EGFLAM: variants seen among roughly 807,000 people sequenced by gnomAD.
EGFLAM encodes the protein pikachurin.
In EGFLAM, 79 loss-of-function variants were observed where a neutral mutation model predicts 113.1. That is an observed-to-expected ratio of 0.70 (90% CI 0.58 to 0.84). The LOEUF is 0.84. Among genes scored for constraint, EGFLAM ranks in the 40% least tolerant of loss-of-function variants. The probability of loss-of-function intolerance (pLI) is 0.00; values close to 1 mark genes in which losing one functional copy is unlikely to be tolerated. For synonymous variants in EGFLAM, 504 were observed against 487.6 expected (o/e 1.03, Z -0.44); for missense variants, 1,265 against 1,291.6 (o/e 0.98, Z 0.32).
rs1192484997 is a variant in EGFLAM, at chr5:38,408,577, TCTC to T, written c.1249-424_1249-422del. On this transcript the variant is annotated intron_variant, in intron 9 of 21. Transcript: ENST00000322350. ...GGCTGAGCTATTCTTACCATCCTGT[TCTC>T]CTGATAGAAGGAAAGAAGCAAATGT... Among the ~76,000 whole-genome samples, 9 of 152,090 alleles carry T rather than the reference TCTC, an allele frequency of 5.9e-5. No homozygotes were observed. In the East Asian group the frequency reaches 1.5e-3, roughly 26 times the overall value.
intron 15 of EGFLAM, among the ~76,000 whole-genome samples, chr5:38,432,942 G>A (rs571896704): frequency 2.6e-4 from 39 of 152,286 alleles, no homozygotes; most frequent in African/African-American, 8.9e-4. Flanking sequence ...GCGACATGTG[G>A]GTGAATGGAG....
chr5:38,407,109 G>A lies in EGFLAM; in HGVS notation c.1110G>A (p.Gln370=), dbSNP rs770786447. The change falls in exon 8 of 22, where the codon CAG becomes CAA. Residue 370 remains glutamine, a synonymous_variant. Coordinates refer to ENST00000322350, the MANE Select transcript of EGFLAM (RefSeq NM_152403.4). ...ACACCTGGGGGGGCTCGCGATGCCA[G>A]TGCACCCTGGGCAAAGGTGGTGAGA... ...NDYTWGGSRC[Q]CTLGKGGESC... 4 of 1,614,078 alleles carry A rather than the reference G, an allele frequency of 2.5e-6. No individual in the cohort carries two copies. Among genetic ancestry groups the A allele is most frequent in the Non-Finnish European group, 8.5e-7 (1 of 1,180,040 alleles).
At chr5:38,313,563 G>A (rs935232293) in intron 1 of EGFLAM, among the ~76,000 whole-genome samples, 5 of 152,140 alleles carry the variant, frequency 3.3e-5, no homozygotes, top group Non-Finnish European at 7.3e-5. Context: ...ATATTTTAAA[G>A]AGTCATCATA....
intron 1 of EGFLAM, among the ~76,000 whole-genome samples, chr5:38,293,936 G>A (rs1758395780): frequency 1.3e-5 from 2 of 152,140 alleles, no homozygotes; most frequent in South Asian, 2.1e-4. Context: ...CACTCCAGGT[G>A]CTCACTCATT....
At chr5:38,317,459 G>A (rs1171551298) in intron 1 of EGFLAM, among the ~76,000 whole-genome samples, 1 of 152,042 alleles carries the variant, frequency 6.6e-6, no homozygotes, top group Non-Finnish European at 1.5e-5. Context: ...TCCAAATTGT[G>A]CCCTGTAGGT....
chr5:38,395,368 C>T (rs954715733), intron 6 of EGFLAM, among the ~76,000 whole-genome samples: 2 of 151,916 alleles, frequency 1.3e-5, no homozygotes, highest in African/African-American at 4.8e-5. Context: ...CTCAGCTCCC[C>T]CACCAAGTAG....
chr5:38,388,950 G>A (rs1264893692), intron 6 of EGFLAM, among the ~76,000 whole-genome samples: 2 of 150,464 alleles, frequency 1.3e-5, no homozygotes, highest in African/African-American at 4.9e-5. Flanking sequence ...AAATGCAAAT[G>A]AGTTTTTCAG....
chr5:38,298,599 C>T (rs558252269), intron 1 of EGFLAM, among the ~76,000 whole-genome samples: 2 of 152,308 alleles, frequency 1.3e-5, no homozygotes, highest in South Asian at 2.1e-4. Context: ...CCCACTAAAT[C>T]ACCAAAATAA....
At chr5:38,421,921 C>T (rs1334926816) in intron 12 of EGFLAM, among the ~76,000 whole-genome samples, 3 of 152,042 alleles carry the variant, frequency 2.0e-5, no homozygotes, top group Non-Finnish European at 4.4e-5. Flanking sequence ...TCTGACAGCT[C>T]ATTAGACGGG....
At chr5:38,262,886 T>C (rs1272200580) in intron 1 of EGFLAM, among the ~76,000 whole-genome samples, 1 of 152,218 alleles carries the variant, frequency 6.6e-6, no homozygotes. Flanking sequence ...TATGTTGAGC[T>C]GGATAAGAAA....
intron 19 of EGFLAM, chr5:38,451,673 A>ACCCAC (rs1742918664): frequency 3.4e-6 from 2 of 586,246 alleles, no homozygotes; most frequent in African/African-American, 3.7e-5. Context: ...GCCAAATCTG[A>ACCCAC]CCCACCACTC....
At chr5:38,395,610 G>T (rs577691257) in intron 6 of EGFLAM, among the ~76,000 whole-genome samples, 7 of 152,102 alleles carry the variant, frequency 4.6e-5, no homozygotes, top group African/African-American at 1.7e-4. Flanking sequence ...GTACTCAAAT[G>T]TGAAGCCACT....
rs1372200959 is a variant in EGFLAM at position 38,424,992 on chromosome 5, T to C, written c.1710T>C (p.Asp570=). The part of the protein sequence containing the change: ...DVGECSSGIC[D]EASCIHGGTC... ...GGGAATGCAGCAGTGGAATCTGTGA[T>C]GAGGCCTCGTGCATCCATGGTGGCA... The change falls in exon 13 of 22, where the codon GAT becomes GAC. Residue 570 remains aspartate, a synonymous_variant. Transcript: ENST00000322350. 1.2e-6 allele frequency: 2 copies of C among 1,614,004 alleles called. No individual in the cohort carries two copies. The highest frequency in any genetic ancestry group is 1.7e-6 in the Non-Finnish European group (2 of 1,179,926).
chr5:38,318,286 G>T (rs1261128833), intron 1 of EGFLAM, among the ~76,000 whole-genome samples: 1 of 151,142 alleles, frequency 6.6e-6, no homozygotes, highest in Non-Finnish European at 1.5e-5. Flanking sequence ...TCTAACTATA[G>T]TATACTGTAC....
chr5:38,389,142 T>C (rs75763816), intron 6 of EGFLAM, among the ~76,000 whole-genome samples: 5,929 of 152,242 alleles, frequency 0.039, 437 homozygotes, highest in African/African-American at 0.14. Flanking sequence ...TTAATTTGAA[T>C]TGTAGTTGAG....
intron 1 of EGFLAM, among the ~76,000 whole-genome samples, chr5:38,266,147 C>G (rs529058514): frequency 6.6e-6 from 1 of 152,184 alleles, no homozygotes; most frequent in African/African-American, 2.4e-5. Context: ...CAACATTTTC[C>G]CCCCTTACCT....
intron 11 of EGFLAM, among the ~76,000 whole-genome samples, chr5:38,413,185 AT>A (rs34326457): frequency 0.091 from 9,168 of 100,992 alleles, 196 homozygotes; most frequent in East Asian, 0.16. Flanking sequence ...TGCCTGGCTA[AT>A]TTTTTTTTTT....
intron 6 of EGFLAM, among the ~76,000 whole-genome samples, chr5:38,380,487 T>C (rs562584553): frequency 6.6e-6 from 1 of 152,342 alleles, no homozygotes; most frequent in South Asian, 2.1e-4. Flanking sequence ...TGCTAGGCAT[T>C]ATTCCAGGAG....
chr5:38,445,810 T>A, intron 17 of EGFLAM: 1 of 1,206,236 alleles, frequency 8.3e-7, no homozygotes, highest in Non-Finnish European at 1.2e-6. Context: ...GGGACATGCC[T>A]ACGCGTGGTG....
Sources: gnomAD v4.1 joint callset for allele counts (sites outside exome capture counted in the v4.1 genomes callset) on GRCh38, gnomAD v4.1.1 for gene constraint, MANE v1.5 for transcripts, NCBI Gene and HGNC (gene_info 2026-07-23, HGNC 2026-07-21) for gene names.